The following ABCA13 variants were observed in gnomAD, a reference collection of about 807,000 sequenced individuals.
The protein encoded by ABCA13 is ATP binding cassette subfamily A member 13, also known as ATP-binding cassette sub-family A member 13.
ABCA13 carries 476 observed loss-of-function variants against 478.7 expected under a neutral mutation model. That is an observed-to-expected ratio of 0.99 (90% CI 0.92 to 1.07). The LOEUF (loss-of-function observed/expected upper bound fraction) is 1.07. Ranked by LOEUF, ABCA13 falls within the 50% of genes least tolerant of loss-of-function variation. The pLI is 0.00. For missense variants in ABCA13, 6,060 were observed against 5,910.6 expected (o/e 1.03, Z -0.83); for synonymous variants, 2,252 against 2,158.9 (o/e 1.04, Z -1.20).
At chr7:48,443,578 C>T (rs997256908) in intron 42 of ABCA13, among the ~76,000 whole-genome samples, 3 of 152,180 alleles carry the variant, frequency 2.0e-5, no homozygotes, top group African/African-American at 7.2e-5. Context: ...TGTTACTCAT[C>T]GCATGGTTTT....
At chr7:48,238,227 C>G (rs1329171368) in intron 8 of ABCA13, among the ~76,000 whole-genome samples, 2 of 152,138 alleles carry the variant, frequency 1.3e-5, no homozygotes, top group Admixed American at 6.5e-5. Context: ...AGTGTTCACC[C>G]TCATGATCTG....
chr7:48,395,474 C>G (rs892315), intron 38 of ABCA13, among the ~76,000 whole-genome samples: 19,857 of 152,162 alleles, frequency 0.13, 1,690 homozygotes, highest in African/African-American at 0.24. Context: ...AGGTTTGAAC[C>G]CTGCAGGTCT....
chr7:48,483,602 C>CT (rs1828998055), intron 47 of ABCA13, among the ~76,000 whole-genome samples: 2 of 152,170 alleles, frequency 1.3e-5, no homozygotes, highest in African/African-American at 4.8e-5. Context: ...CCTGGATTTT[C>CT]AAGCCCTGCC....
At chr7:48,464,592 T>C (rs1826664046) in intron 43 of ABCA13, among the ~76,000 whole-genome samples, 1 of 152,238 alleles carries the variant, frequency 6.6e-6, no homozygotes, top group Admixed American at 6.5e-5. Context: ...TTTAATGTAA[T>C]GAGTTGCATT....
chr7:48,208,244 C>G (rs955376994), intron 3 of ABCA13, among the ~76,000 whole-genome samples: 1 of 152,048 alleles, frequency 6.6e-6, no homozygotes, highest in African/African-American at 2.4e-5. Flanking sequence ...CAGCTTTGCT[C>G]TTTTTGCTGA....
At chr7:48,331,197 A>G (rs1805346644) in intron 27 of ABCA13, among the ~76,000 whole-genome samples, 1 of 152,272 alleles carries the variant, frequency 6.6e-6, no homozygotes, top group Non-Finnish European at 1.5e-5. Flanking sequence ...CTTAAAAGAA[A>G]GAATAGCTGC....
At chr7:48,299,364 A>G (rs1157488086) in intron 23 of ABCA13, among the ~76,000 whole-genome samples, 1 of 152,238 alleles carries the variant, frequency 6.6e-6, no homozygotes, top group African/African-American at 2.4e-5. Context: ...TAAATTAAAA[A>G]GAGATTAGAA....
chr7:48,214,538 G>A (rs1343630223), intron 3 of ABCA13, among the ~76,000 whole-genome samples: 1 of 152,202 alleles, frequency 6.6e-6, no homozygotes, highest in African/African-American at 2.4e-5. Context: ...TTGAAAATCT[G>A]TTGTTTAGTG....
chr7:48,214,276 G>T (rs1467412126), intron 3 of ABCA13, among the ~76,000 whole-genome samples: 1 of 152,138 alleles, frequency 6.6e-6, no homozygotes, highest in African/African-American at 2.4e-5. Context: ...GTAAACAGAG[G>T]TGCTGCCATC....
chr7:48,401,632 C>T (rs945739801), intron 38 of ABCA13, among the ~76,000 whole-genome samples: 11 of 152,040 alleles, frequency 7.2e-5, no homozygotes, highest in Non-Finnish European at 1.5e-4. Flanking sequence ...TGCTATAGAC[C>T]ATTTGTGCAA....
chr7:48,437,242 A>G (rs944579920), intron 42 of ABCA13, among the ~76,000 whole-genome samples: 4 of 151,954 alleles, frequency 2.6e-5, no homozygotes, highest in Non-Finnish European at 4.4e-5. Flanking sequence ...TTCTTAGTGA[A>G]TTGACTCTTT....
intron 15 of ABCA13, among the ~76,000 whole-genome samples, chr7:48,265,458 C>A (rs1446878626): frequency 6.6e-6 from 1 of 151,462 alleles, no homozygotes; most frequent in African/African-American, 2.4e-5. Context: ...TTTTCCTTAA[C>A]AAATCCTGTT....
At chr7:48,350,850 A>G (rs1808862378) in intron 30 of ABCA13, 31 bp downstream of exon 30, 1 of 1,593,984 alleles carries the variant, frequency 6.3e-7, no homozygotes, top group African/African-American at 1.3e-5. Flanking sequence ...TATGTTCGCC[A>G]AGATGCCAAC....
intron 38 of ABCA13, among the ~76,000 whole-genome samples, chr7:48,400,609 C>G (rs1817474382): frequency 6.6e-6 from 1 of 152,166 alleles, no homozygotes; most frequent in East Asian, 1.9e-4. Context: ...AACTTCTGGC[C>G]AGTGTTTACA....
Position 48,275,591 on chromosome 7 carries a change from CA to C in ABCA13, c.5928del (p.Lys1976AsnfsTer2). 6.2e-7 allele frequency: 1 copy of C among 1,612,574 alleles called. No individual in the cohort carries two copies. On this transcript the variant is annotated frameshift_variant, in exon 17 of 62. Coordinates refer to ENST00000435803, the MANE Select transcript of ABCA13 (RefSeq NM_152701.5). LOFTEE classifies it high-confidence loss of function. ...TTACATCAGGTGAAAATATTCTTGA[CA>C]AACTAAGTAGTTTAAACAAGATCCT... ...KVTSGENILD[K>X]LSSLNKILNI... is the part of the protein sequence containing the mutation.
At chr7:48,289,277 C>T (rs1227120443) in intron 20 of ABCA13, among the ~76,000 whole-genome samples, 1 of 151,126 alleles carries the variant, frequency 6.6e-6, no homozygotes, top group Non-Finnish European at 1.5e-5. Context: ...TTTTTTAGAA[C>T]ATCAAATTCT....
At chr7:48,205,536 A>C (rs1784817803) in intron 3 of ABCA13, among the ~76,000 whole-genome samples, 1 of 152,184 alleles carries the variant, frequency 6.6e-6, no homozygotes, top group Admixed American at 6.5e-5. Flanking sequence ...GAAGGAGTAA[A>C]TGTCTCTATC....
At chr7:48,297,835 C>T (rs1485958240) in intron 22 of ABCA13, among the ~76,000 whole-genome samples, 7 of 149,726 alleles carry the variant, frequency 4.7e-5, no homozygotes, top group African/African-American at 9.9e-5. Flanking sequence ...AGTACAGTGG[C>T]GTGATCTCGG....
At position 48,455,111 on chromosome 7, in the gene ABCA13, C is replaced by G. The variant is rs1825508079; in HGVS notation, c.12640C>G (p.Arg4214Gly). The change falls in exon 43 of 62, where the codon CGG (arginine) becomes GGG (glycine). Residue 4214 changes from arginine (R) to glycine (G), a missense_variant. Physicochemically the swap from Arg to Gly is moderately radical, Grantham distance 125. Around this residue, in one of 3 missense-constraint regions of ABCA13, gnomAD observed 1,627 missense variants for 1,571.0 expected, o/e 1.04. Coordinates refer to ENST00000435803, the MANE Select transcript of ABCA13 (RefSeq NM_152701.5). ...LRAQVAAILA[R>G]RLRRTLRAGK... The stretch of plus-strand genomic sequence containing the variant: ...CGCACAAGTGGCCGCGATCCTGGCC[C>G]GGAGGCTCCGCCGCACGCTGCGCGC... 3.9e-6 allele frequency: 6 copies of G among 1,557,672 alleles called. No homozygotes were observed. The highest frequency in any genetic ancestry group is 1.4e-5 in the African/African-American group (1 of 73,438).
Sources: gnomAD v4.1 joint callset for allele counts (sites outside exome capture counted in the v4.1 genomes callset) on GRCh38, gnomAD v4.1.1 for gene constraint, gnomAD v4.1.1 regional missense constraint, MANE v1.5 for transcripts, NCBI Gene and HGNC (gene_info 2026-07-23, HGNC 2026-07-21) for gene names.